Variants in KCNIP4 observed in about 807,000 individuals in gnomAD.
KCNIP4 encodes the protein potassium voltage-gated channel interacting protein 4.
In KCNIP4, 12 loss-of-function variants were observed where a neutral mutation model predicts 34.0. The observed-to-expected ratio is 0.35, with a 90% confidence interval of 0.23 to 0.57. The LOEUF is 0.57. KCNIP4 is among the 20% of genes least tolerant of loss of function. The probability of loss-of-function intolerance (pLI) is 0.83; values close to 1 mark genes in which losing one functional copy is unlikely to be tolerated. For missense variants in KCNIP4, 238 were observed against 311.7 expected (o/e 0.76, Z 1.78); for synonymous variants, 124 against 102.2 (o/e 1.21, Z -1.29).
intron 1 of KCNIP4, among the ~76,000 whole-genome samples, chr4:21,006,039 T>C (rs939378486): frequency 6.6e-6 from 1 of 152,086 alleles, no homozygotes; most frequent in African/African-American, 2.4e-5. Flanking sequence ...TGGAGGCGAT[T>C]GAAGCACAGA....
At position 21,630,880 on chromosome 4, in the gene KCNIP4, T is replaced by C. The variant is rs181369787; in HGVS notation, c.61+317691A>G. Among the ~76,000 whole-genome samples, 458 of 152,296 alleles carry C rather than the reference T, an allele frequency of 3.0e-3. 3 individuals are homozygous for C. Among genetic ancestry groups the C allele is most frequent in the African/African-American group, 0.011 (440 of 41,564 alleles). On this transcript the variant is annotated intron_variant, in intron 1 of 8. Transcript: ENST00000382152. ...TATTGAGTAACATGTTTTGCTACTC[T>C]CCTCACACCTACTTTTCAGAAATAA...
rs1560397085 is a variant in KCNIP4, at chr4:20,730,051, T to G, written c.*31A>C. 3.1e-6 allele frequency: 5 copies of G among 1,598,452 alleles called. No homozygotes were observed. Among genetic ancestry groups the G allele is most frequent in the Non-Finnish European group, 4.3e-6 (5 of 1,174,374 alleles). On this transcript the variant is annotated 3_prime_UTR_variant, in exon 9 of 9. Coordinates refer to ENST00000382152, the MANE Select transcript of KCNIP4 (RefSeq NM_025221.6). ...TAAGGGTGGTAGAATAGTTCACATT[T>G]GTCTGTTGGATTCAGGATCTATTTG...
At chr4:21,833,361 A>C (rs1723113864) in intron 1 of KCNIP4, among the ~76,000 whole-genome samples, 1 of 151,940 alleles carries the variant, frequency 6.6e-6, no homozygotes, top group African/African-American at 2.4e-5. Context: ...GCATTTTTTC[A>C]TGTGTTTTTT....
At chr4:20,825,698 A>T (rs572928761) in intron 3 of KCNIP4, among the ~76,000 whole-genome samples, 43 of 152,302 alleles carry the variant, frequency 2.8e-4, no homozygotes, top group Non-Finnish European at 4.9e-4. Flanking sequence ...CTAATTTGAG[A>T]TTTATTACCA....
chr4:21,866,377 C>T (rs1447791631), intron 1 of KCNIP4, among the ~76,000 whole-genome samples: 1 of 152,194 alleles, frequency 6.6e-6, no homozygotes, highest in African/African-American at 2.4e-5. Context: ...AAAGCAGCTC[C>T]ACTACCATAA....
chr4:20,939,482 T>A (rs1731414721), intron 1 of KCNIP4, among the ~76,000 whole-genome samples: 1 of 152,146 alleles, frequency 6.6e-6, no homozygotes, highest in South Asian at 2.1e-4. Context: ...CAAGCGATTC[T>A]CCTGCCTCAG....
At position 21,677,948 on chromosome 4, in the gene KCNIP4, C is replaced by T. The variant is rs909415041; in HGVS notation, c.61+270623G>A. On this transcript the variant is annotated intron_variant, in intron 1 of 8. Transcript: ENST00000382152. ...TGTATTTTTAGTAGAGACGGGGTTT[C>T]GCCATGTTGACCAGCCTGGTCTTGA... Among the ~76,000 whole-genome samples the T allele has an allele frequency of 3.3e-5, 5 of 152,110 alleles. No homozygotes were observed. In the South Asian group the frequency reaches 6.2e-4, roughly 19 times the overall value.
chr4:21,098,531 T>G (rs1014396830), intron 1 of KCNIP4, among the ~76,000 whole-genome samples: 1 of 152,206 alleles, frequency 6.6e-6, no homozygotes, highest in African/African-American at 2.4e-5. Context: ...GTGTTTGTCC[T>G]GTTTCCCATA....
chr4:21,501,775 CA>C (rs1733375364), intron 1 of KCNIP4, among the ~76,000 whole-genome samples: 1 of 148,630 alleles, frequency 6.7e-6, no homozygotes, highest in African/African-American at 2.5e-5. Flanking sequence ...TGAACATCAC[CA>C]AGGTTAACCA....
chr4:21,718,346 G>A (rs1440331947), intron 1 of KCNIP4: 1 of 152,120 alleles, frequency 6.6e-6, no homozygotes, highest in Non-Finnish European at 1.5e-5. Flanking sequence ...TGCTTATTAT[G>A]TTGAATTGTA....
At chr4:21,348,557 C>G (rs1010201528) in intron 1 of KCNIP4, among the ~76,000 whole-genome samples, 3 of 152,132 alleles carry the variant, frequency 2.0e-5, no homozygotes, top group Admixed American at 2.0e-4. Context: ...CTGAAGACAA[C>G]CATCACAGCT....
At position 21,516,504 on chromosome 4, in the gene KCNIP4, A is replaced by T. The variant is rs116004825; in HGVS notation, c.61+432067T>A. Reference sequence around the variant, plus strand: ...TTCTTTTTCTCTCTCAAACTCCCCAAACTAAATTGGTTGTTGACATCTGTC... The same window carrying T: ...TTCTTTTTCTCTCTCAAACTCCCCATACTAAATTGGTTGTTGACATCTGTC... On this transcript the variant is annotated intron_variant, in intron 1 of 8. Coordinates refer to ENST00000382152, the MANE Select transcript of KCNIP4 (RefSeq NM_025221.6). 5.6e-3 allele frequency among the ~76,000 whole-genome samples: 857 copies of T among 152,292 alleles called. 6 individuals carry two copies. Among genetic ancestry groups the T allele is most frequent in the Non-Finnish European group, 0.011 (723 of 68,022 alleles).
At chr4:21,181,524 C>T (rs1424233514) in intron 1 of KCNIP4, among the ~76,000 whole-genome samples, 3 of 152,128 alleles carry the variant, frequency 2.0e-5, no homozygotes, top group Non-Finnish European at 4.4e-5. Flanking sequence ...ATCCATCCAT[C>T]CATCCATCCA....
At chr4:21,862,150 A>G (rs1406453119) in intron 1 of KCNIP4, among the ~76,000 whole-genome samples, 2 of 152,128 alleles carry the variant, frequency 1.3e-5, no homozygotes, top group African/African-American at 2.4e-5. Flanking sequence ...CTTGCTGGCC[A>G]TCTAATCTAA....
chr4:21,413,732 T>C (rs1168107866), intron 1 of KCNIP4, among the ~76,000 whole-genome samples: 1 of 152,210 alleles, frequency 6.6e-6, no homozygotes, highest in Non-Finnish European at 1.5e-5. Context: ...GGAATGAATC[T>C]TCAGCTCCTT....
intron 1 of KCNIP4, among the ~76,000 whole-genome samples, chr4:21,002,487 C>CA (rs1190918415): frequency 1.3e-5 from 2 of 152,204 alleles, no homozygotes; most frequent in Non-Finnish European, 2.9e-5. Context: ...ATAATCAAGA[C>CA]ATATGGCCTC....
chr4:21,304,088 AGAGAGAGAGAGAGAGAGAGACAGAG>A (rs1388197876), intron 1 of KCNIP4: 118 of 257,608 alleles, frequency 4.6e-4, no homozygotes, highest in African/African-American at 1.9e-3. Flanking sequence ...AGAGAGAGAC[AGAGAGAGAGAGAGAGAGAGACAGAG>A]GAGAGAGAGG....
intron 1 of KCNIP4, chr4:21,608,972 ATGTTGCCTCATCACT>A (rs1743938158): frequency 3.3e-5 from 5 of 152,186 alleles, no homozygotes; most frequent in Non-Finnish European, 7.3e-5. Flanking sequence ...CACAGCCAAA[ATGTTGCCTCATCACT>A]GACCAGCCAA....
chr4:21,220,523 C>T (rs1053989310), intron 1 of KCNIP4, among the ~76,000 whole-genome samples: 3 of 151,858 alleles, frequency 2.0e-5, no homozygotes, highest in Non-Finnish European at 2.9e-5. Flanking sequence ...CAAACCTGCA[C>T]GTTGTGCAAA....
Sources: allele counts gnomAD v4.1 joint callset (sites outside exome capture counted in the v4.1 genomes callset), GRCh38; gene constraint gnomAD v4.1.1; transcripts MANE v1.5; gene names NCBI Gene and HGNC (gene_info 2026-07-23, HGNC 2026-07-21).